Variants in ANKS1B observed in about 807,000 individuals in gnomAD.
ANKS1B encodes ankyrin repeat and sterile alpha motif domain-containing protein 1B.
In ANKS1B, 36 loss-of-function variants were observed where a neutral mutation model predicts 148.3. That is an observed-to-expected ratio of 0.24 (90% CI 0.19 to 0.32). The LOEUF (loss-of-function observed/expected upper bound fraction) is 0.32. Ranked by LOEUF, ANKS1B falls within the 10% of genes least tolerant of loss-of-function variation. ANKS1B has a pLI of 1.00. For missense variants in ANKS1B, 1,157 were observed against 1,542.6 expected (o/e 0.75, Z 4.19); for synonymous variants, 542 against 560.8 (o/e 0.97, Z 0.47).
intron 12 of ANKS1B, among the ~76,000 whole-genome samples, chr12:99,388,028 G>A (rs73372068): frequency 0.044 from 6,754 of 152,090 alleles, 424 homozygotes; most frequent in African/African-American, 0.14. Context: ...GGACTGTGTT[G>A]AGCATGCTAA....
At chr12:99,121,639 G>A (rs1480159085) in intron 15 of ANKS1B, among the ~76,000 whole-genome samples, 6 of 152,126 alleles carry the variant, frequency 3.9e-5, no homozygotes, top group South Asian at 2.1e-4. Context: ...GATGCGCTGC[G>A]ATGTATCCTG....
chr12:99,166,493 G>T (rs1270426433), intron 14 of ANKS1B, among the ~76,000 whole-genome samples: 15 of 151,802 alleles, frequency 9.9e-5, no homozygotes, highest in Admixed American at 9.8e-4. Flanking sequence ...TAAACAATTG[G>T]AATTTGAAAT....
At position 99,246,859 on chromosome 12, in the gene ANKS1B, G is replaced by A. The variant is rs1277441925; in HGVS notation, c.1762C>T (p.Leu588Phe). The A allele has an allele frequency of 6.3e-7, 1 of 1,575,904 alleles. No homozygotes were observed. The highest frequency in any genetic ancestry group is 1.2e-5 in the South Asian group (1 of 84,908). Residue 588 changes from leucine to phenylalanine, a missense_variant, in exon 13 of 27, where the codon CTC becomes TTC. By Grantham distance (22) the Leu-to-Phe change is conservative. Coordinates refer to ENST00000683438, the MANE Select transcript of ANKS1B (RefSeq NM_001352186.2). ...GGATCATTGTCATCCTGTCGGGAGA[G>A]GTCATCTGCAAAAGGAAGGAAGGGA... The part of the protein sequence containing the change: ...KNEGTNHTDD[L>F]SRQDDNDPPK...
intron 17 of ANKS1B, among the ~76,000 whole-genome samples, chr12:99,025,653 C>A (rs2099948321): frequency 6.6e-6 from 1 of 152,050 alleles, no homozygotes; most frequent in South Asian, 2.1e-4. Context: ...AGACGGGAAC[C>A]CCAGAAGACA....
At chr12:99,440,364 T>C (rs2095529525) in intron 11 of ANKS1B, among the ~76,000 whole-genome samples, 1 of 151,720 alleles carries the variant, frequency 6.6e-6, no homozygotes, top group East Asian at 1.9e-4. Flanking sequence ...AACTATTCAG[T>C]AAAAAGAAGA....
At chr12:99,957,918 A>G (rs1603501141) in intron 1 of ANKS1B, among the ~76,000 whole-genome samples, 1 of 152,370 alleles carries the variant, frequency 6.6e-6, no homozygotes, top group Non-Finnish European at 1.5e-5. Context: ...ACATTTGTAC[A>G]GCACTTTCAA....
At chr12:99,273,901 T>A (rs1021825797) in intron 12 of ANKS1B, among the ~76,000 whole-genome samples, 22 of 152,120 alleles carry the variant, frequency 1.4e-4, no homozygotes, top group Admixed American at 1.0e-3. Context: ...GTGATTTTTT[T>A]AAAGCTAATC....
At chr12:99,116,315 C>G (rs1376256586) in intron 15 of ANKS1B, among the ~76,000 whole-genome samples, 1 of 152,266 alleles carries the variant, frequency 6.6e-6, no homozygotes, top group African/African-American at 2.4e-5. Flanking sequence ...AGGGTGTTGG[C>G]TCAGGATAGA....
At chr12:98,758,455 T>G (rs2098316342) in intron 25 of ANKS1B, among the ~76,000 whole-genome samples, 1 of 152,376 alleles carries the variant, frequency 6.6e-6, no homozygotes, top group South Asian at 2.1e-4. Flanking sequence ...TGACCCATCT[T>G]GGCTGTGGTG....
At chr12:99,461,022 A>G (rs77354468) in intron 10 of ANKS1B, among the ~76,000 whole-genome samples, 5,803 of 152,070 alleles carry the variant, frequency 0.038, 394 homozygotes, top group African/African-American at 0.13. Flanking sequence ...ACGAGTGGAT[A>G]AAGAAAATGT....
chr12:98,893,265 C>T (rs2099756482), intron 17 of ANKS1B, among the ~76,000 whole-genome samples: 1 of 152,142 alleles, frequency 6.6e-6, no homozygotes, highest in Non-Finnish European at 1.5e-5. Context: ...GAAGCCTTTC[C>T]GGTGGCATAA....
intron 17 of ANKS1B, among the ~76,000 whole-genome samples, chr12:98,908,517 A>G (rs781077917): frequency 1.3e-5 from 2 of 152,216 alleles, no homozygotes; most frequent in Admixed American, 6.5e-5. Flanking sequence ...GAAAACTGGT[A>G]TCATAATGCC....
At chr12:99,559,451 AT>A (rs1239959371) in intron 9 of ANKS1B, among the ~76,000 whole-genome samples, 1 of 152,212 alleles carries the variant, frequency 6.6e-6, no homozygotes, top group Non-Finnish European at 1.5e-5. Flanking sequence ...AAATTCAAGT[AT>A]TTATGTACTT....
At chr12:99,724,577 A>G (rs1317308896) in intron 8 of ANKS1B, among the ~76,000 whole-genome samples, 2 of 152,206 alleles carry the variant, frequency 1.3e-5, no homozygotes, top group South Asian at 2.1e-4. Flanking sequence ...GCTGCAAAAC[A>G]CACTTCAGGA....
At chr12:98,911,932 G>C (rs1596737338) in intron 17 of ANKS1B, among the ~76,000 whole-genome samples, 2 of 152,118 alleles carry the variant, frequency 1.3e-5, no homozygotes, top group African/African-American at 4.8e-5. Context: ...CCTTGACTGG[G>C]TGCCTTTGCC....
chr12:99,280,752 A>G (rs1008303709), intron 12 of ANKS1B, among the ~76,000 whole-genome samples: 2 of 152,172 alleles, frequency 1.3e-5, no homozygotes, highest in African/African-American at 2.4e-5. Context: ...GGATGGCAAC[A>G]TCAGCTCTCC....
At chr12:98,867,914 A>G (rs1179015596) in intron 17 of ANKS1B, among the ~76,000 whole-genome samples, 5 of 152,130 alleles carry the variant, frequency 3.3e-5, no homozygotes, top group African/African-American at 1.2e-4. Flanking sequence ...CTACTTCGTA[A>G]AGCTTCTGCC....
At chr12:98,833,257 AC>A (rs1402085964) in intron 17 of ANKS1B, among the ~76,000 whole-genome samples, 1 of 152,132 alleles carries the variant, frequency 6.6e-6, no homozygotes, top group African/African-American at 2.4e-5. Flanking sequence ...TAAGTCACCT[AC>A]CCAAGAGCCA....
intron 12 of ANKS1B, among the ~76,000 whole-genome samples, chr12:99,378,430 C>T (rs1382604857): frequency 1.3e-5 from 2 of 151,794 alleles, no homozygotes; most frequent in African/African-American, 4.8e-5. Context: ...ACGAGGTGGG[C>T]AGATCATGAG....
Sources: gnomAD v4.1 joint callset for allele counts (sites outside exome capture counted in the v4.1 genomes callset) on GRCh38, gnomAD v4.1.1 for gene constraint, MANE v1.5 for transcripts, NCBI Gene and HGNC (gene_info 2026-07-23, HGNC 2026-07-21) for gene names.